Variants in BTC observed in about 807,000 individuals in gnomAD.
BTC encodes betacellulin, also known as probetacellulin.
BTC carries 13 observed loss-of-function variants against 18.1 expected under a neutral mutation model. The observed-to-expected ratio is 0.72, with a 90% CI of 0.47 to 1.14. BTC has a LOEUF of 1.14. Ranked by LOEUF, BTC falls within the 50% of genes most tolerant of loss-of-function variation. BTC has a pLI of 0.00. For synonymous variants in BTC, 83 were observed against 79.4 expected (o/e 1.05, Z -0.24); for missense variants, 247 against 224.2 (o/e 1.10, Z -0.65).
intron 2 of BTC, among the ~76,000 whole-genome samples, chr4:74,769,173 G>A (rs1335508312): frequency 3.9e-5 from 6 of 152,082 alleles, no homozygotes; most frequent in Non-Finnish European, 8.8e-5. Context: ...AGTTTCCAGG[G>A]AATACAGGAG....
chr4:74,772,172 C>T (rs1348751293), intron 1 of BTC, among the ~76,000 whole-genome samples: 2 of 152,104 alleles, frequency 1.3e-5, no homozygotes, highest in Non-Finnish European at 2.9e-5. Flanking sequence ...TCACAATTTC[C>T]TTAAGTCAAC....
At chr4:74,792,897 C>T (rs1339689124) in intron 1 of BTC, among the ~76,000 whole-genome samples, 2 of 152,212 alleles carry the variant, frequency 1.3e-5, no homozygotes, top group Non-Finnish European at 2.9e-5. Context: ...CTTGCATATC[C>T]AAATTCAGTG....
intron 3 of BTC, among the ~76,000 whole-genome samples, chr4:74,751,600 A>G (rs1166890951): frequency 6.6e-6 from 1 of 152,168 alleles, no homozygotes; most frequent in Admixed American, 6.5e-5. Flanking sequence ...TAACATAAAC[A>G]GATGTCCTTA....
chr4:74,791,317 G>C (rs1014681313), intron 1 of BTC, among the ~76,000 whole-genome samples: 6 of 151,918 alleles, frequency 3.9e-5, no homozygotes, highest in African/African-American at 1.5e-4. Context: ...AACTGAGCCT[G>C]AGCGAAAGAG....
chr4:74,750,862 T>G (rs1270996407), intron 3 of BTC, 143 bp from the exon 4 acceptor site: 1 of 1,142,202 alleles, frequency 8.8e-7, no homozygotes, highest in African/African-American at 1.6e-5. Flanking sequence ...TGCACTACTT[T>G]GTTGACCAGT....
chr4:74,762,427 A>G lies in BTC; in HGVS notation c.164-6451T>C, dbSNP rs558285996. 3.3e-5 allele frequency among the ~76,000 whole-genome samples: 5 copies of G among 152,308 alleles called. No homozygotes were observed. The South Asian group carries it at 1.0e-3, about 32-fold the overall frequency. ...GTACGCCATAGGATTAAATGAATTT[A>G]TATACATAAAGCACTCAGAACAGTC... is the stretch of plus-strand genomic sequence containing the variant. On this transcript the variant is annotated intron_variant, in intron 2 of 5. Coordinates refer to ENST00000395743, the MANE Select transcript of BTC (RefSeq NM_001729.4).
chr4:74,777,158 T>C (rs184569727), intron 1 of BTC, among the ~76,000 whole-genome samples: 1 of 152,324 alleles, frequency 6.6e-6, no homozygotes, highest in East Asian at 1.9e-4. Flanking sequence ...CTACCTTTTA[T>C]GCACGAGATT....
chr4:74,794,151 G>A, intron 1 of BTC, 111 bp downstream of exon 1: 3 of 1,379,628 alleles, frequency 2.2e-6, no homozygotes, highest in South Asian at 1.3e-5. Context: ...GCGCCTGCCA[G>A]CCCCAGCGCG....
chr4:74,752,086 A>C (rs1346082551), intron 3 of BTC, among the ~76,000 whole-genome samples: 1 of 152,194 alleles, frequency 6.6e-6, no homozygotes, highest in Non-Finnish European at 1.5e-5. Flanking sequence ...AAGTGAAGAG[A>C]TCCCTTAATG....
intron 2 of BTC, among the ~76,000 whole-genome samples, chr4:74,764,059 T>C (rs905386540): frequency 6.6e-6 from 1 of 152,046 alleles, no homozygotes; most frequent in African/African-American, 2.4e-5. Context: ...TATCTGGGAA[T>C]GTCCCCAGAC....
rs561833589 is a variant in BTC, at chr4:74,750,418, G to T, written c.428+155C>A. Among the ~76,000 whole-genome samples, 4 of 152,030 alleles carry T rather than the reference G, an allele frequency of 2.6e-5. No homozygotes were observed. The South Asian group carries it at 6.3e-4, about 24-fold the overall frequency. The stretch of plus-strand genomic sequence containing the variant: ...AATCATGTATTATGTGTTTTATTAT[G>T]AATACTTCTATATCAACAATGGCAA... On this transcript the variant is annotated intron_variant, in intron 4 of 5. Transcript: ENST00000395743.
At chr4:74,785,367 G>A (rs772702651) in intron 1 of BTC, among the ~76,000 whole-genome samples, 4 of 151,760 alleles carry the variant, frequency 2.6e-5, no homozygotes, top group Non-Finnish European at 4.4e-5. Context: ...TTTTCAAAAC[G>A]CCAGTTCCTG....
chr4:74,755,072 A>G (rs1241750792), intron 3 of BTC, among the ~76,000 whole-genome samples: 2 of 152,104 alleles, frequency 1.3e-5, no homozygotes, highest in African/African-American at 4.8e-5. Context: ...TAAGTTTTTA[A>G]AAAGTTCATG....
intron 1 of BTC, among the ~76,000 whole-genome samples, chr4:74,793,329 C>T (rs1186181107): frequency 6.6e-6 from 1 of 152,134 alleles, no homozygotes; most frequent in Non-Finnish European, 1.5e-5. Flanking sequence ...CATTTAGGCT[C>T]CCCCTCTCTT....
rs781972691 is a variant in BTC, at chr4:74,755,912, G to A, written c.228C>T (p.Tyr76=). The change falls in exon 3 of 6, where the codon TAC becomes TAT. Residue 76 remains tyrosine (Y), a synonymous_variant. Transcript: ENST00000395743. ...FSRCPKQYKH[Y]CIKGRCRFVV... is the part of the protein sequence containing the mutation. ...CGAAGCGGCATCTCCCTTTGATGCA[G>A]TAATGCTTGTATTGCTTGGGGCACC... is the stretch of plus-strand genomic sequence containing the variant. 2 of 1,614,206 alleles carry A rather than the reference G, an allele frequency of 1.2e-6. No homozygotes were observed. Among genetic ancestry groups the A allele is most frequent in the Non-Finnish European group, 1.7e-6 (2 of 1,180,038 alleles).
At chr4:74,753,660 A>G (rs1207013667) in intron 3 of BTC, among the ~76,000 whole-genome samples, 4 of 152,152 alleles carry the variant, frequency 2.6e-5, no homozygotes, top group African/African-American at 9.7e-5. Flanking sequence ...ACCAATGGCA[A>G]GAGAGTTTTG....
chr4:74,784,205 C>A (rs867446061), intron 1 of BTC, among the ~76,000 whole-genome samples: 3 of 142,972 alleles, frequency 2.1e-5, no homozygotes, highest in African/African-American at 8.0e-5. Flanking sequence ...GCACTCCAGG[C>A]TGGTTGACAG....
intron 2 of BTC, among the ~76,000 whole-genome samples, chr4:74,764,315 G>A (rs1724841135): frequency 6.6e-6 from 1 of 152,188 alleles, no homozygotes. Context: ...TAGACCTGTG[G>A]CACGCTAAGA....
chr4:74,789,598 T>C (rs1725568681), intron 1 of BTC, among the ~76,000 whole-genome samples: 1 of 152,180 alleles, frequency 6.6e-6, no homozygotes, highest in South Asian at 2.1e-4. Context: ...AAGGCAACCA[T>C]TATAGAATAA....
Sources: gnomAD v4.1 joint callset for allele counts (sites outside exome capture counted in the v4.1 genomes callset) on GRCh38, gnomAD v4.1.1 for gene constraint, MANE v1.5 for transcripts, NCBI Gene and HGNC (gene_info 2026-07-23, HGNC 2026-07-21) for gene names.